The following TBC1D8 variants were observed in gnomAD, a reference collection of about 807,000 sequenced individuals.
TBC1D8 encodes TBC1 domain family member 8.
Under a neutral mutation model 118.8 loss-of-function variants are expected in TBC1D8, and 65 were observed. The observed-to-expected ratio is 0.55, with a 90% CI of 0.45 to 0.67. The LOEUF (loss-of-function observed/expected upper bound fraction) is 0.67, where lower values mean the gene tolerates loss of function less well. TBC1D8 is among the 30% of genes least tolerant of loss of function. The pLI, the probability that TBC1D8 is intolerant of heterozygous loss-of-function variation, is 0.00. For synonymous variants in TBC1D8, 566 were observed against 595.8 expected (o/e 0.95, Z 0.73); for missense variants, 1,376 against 1,471.2 (o/e 0.94, Z 1.06).
chr2:101,060,463 C>T lies in TBC1D8; in HGVS notation c.284-924G>A, dbSNP rs143716911. On this transcript the variant is annotated intron_variant, in intron 2 of 19. Coordinates refer to ENST00000409318, the MANE Select transcript of TBC1D8 (RefSeq NM_001330348.2). ...AAAACATACATAAAAAGAGGTCTTA[C>T]GGTACATGTTAAAATAGAAACACAA... Among the ~76,000 whole-genome samples, 19 of 152,256 alleles carry T rather than the reference C, an allele frequency of 1.2e-4. No homozygotes were observed. The East Asian group carries it at 3.3e-3, about 26-fold the overall frequency.
chr2:101,051,081 C>T (rs957400522), intron 4 of TBC1D8, among the ~76,000 whole-genome samples: 1 of 152,216 alleles, frequency 6.6e-6, no homozygotes, highest in African/African-American at 2.4e-5. Flanking sequence ...CTGCAAAGGA[C>T]ATGAGCTCAT....
Position 101,033,751 on chromosome 2 carries a change from C to T in TBC1D8, c.1611G>A (p.Val537=), listed in dbSNP as rs201950928. Residue 537 remains valine (V), a synonymous_variant, in exon 10 of 20, where the codon GTG becomes GTA. Coordinates refer to ENST00000409318, the MANE Select transcript of TBC1D8 (RefSeq NM_001330348.2). The stretch of plus-strand genomic sequence containing the variant: ...AACCAGGGTGTGAGGCAAGATCCGT[C>T]ACCGCATCTGAGTTTTAAAAGCAAT... ...GRLWLLFSDA[V]TDLASHPGYY... 1 of 1,612,374 alleles carries T rather than the reference C, an allele frequency of 6.2e-7. No homozygotes were observed. Among genetic ancestry groups the T allele is most frequent in the Admixed American group, 1.7e-5 (1 of 59,982 alleles).
At chr2:101,050,107 G>A (rs188036784) in intron 5 of TBC1D8, among the ~76,000 whole-genome samples, 7 of 152,296 alleles carry the variant, frequency 4.6e-5, no homozygotes, top group Admixed American at 2.6e-4. Context: ...GATTACAGGC[G>A]TGAGCCACCG....
intron 5 of TBC1D8, among the ~76,000 whole-genome samples, chr2:101,041,541 G>A (rs1681384501): frequency 6.6e-6 from 1 of 152,138 alleles, no homozygotes; most frequent in African/African-American, 2.4e-5. Context: ...GGGGAAGAGA[G>A]AGAAATGGGA....
In TBC1D8 at chr2:101,124,503, G is replaced by GA. The variant is rs1306098409; in HGVS notation, c.127+26623dup. Among the ~76,000 whole-genome samples the GA allele has an allele frequency of 6.6e-5, 10 of 152,170 alleles. No individual in the cohort carries two copies. The East Asian group carries it at 9.7e-4, about 15-fold the overall frequency. On this transcript the variant is annotated intron_variant, in intron 1 of 19. Transcript: ENST00000409318. ...TAAAAAACAACTCTTCCAATTTAAG[G>GA]AAAAAAACCTGCTGTTAATACAGTA...
intron 12 of TBC1D8, 174 bp from the exon 13 acceptor site, chr2:101,028,606 CG>C: frequency 1.1e-6 from 1 of 934,736 alleles, no homozygotes; most frequent in Non-Finnish European, 1.5e-6. Context: ...TCATGAAGCC[CG>C]GCTTGTGGAT....
intron 19 of TBC1D8, among the ~76,000 whole-genome samples, chr2:101,009,691 C>T (rs1206273483): frequency 6.6e-6 from 1 of 151,678 alleles, no homozygotes; most frequent in East Asian, 1.9e-4. Context: ...AAACATGCTA[C>T]GAAACACTAA....
rs199616962 is a variant in TBC1D8 at position 101,028,317 on chromosome 2, G to C, written c.2338C>G (p.Arg780Gly). 214 of 1,612,308 alleles carry C rather than the reference G, an allele frequency of 1.3e-4. No individual in the cohort carries two copies. Among genetic ancestry groups the C allele is most frequent in the Non-Finnish European group, 1.7e-4 (196 of 1,179,218 alleles). The change falls in exon 13 of 20, where the codon CGG becomes GGG. Residue 780 changes from arginine to glycine, a missense_variant. Arg to Gly is a moderately radical substitution (Grantham distance 125, BLOSUM62 -2). Transcript: ENST00000409318. Reference sequence around the variant, plus strand: ...GTTCCCGTTACCTCATAGGAATCCCGGATCAGGTCCGAAATATCAGTCACA... The same window carrying C: ...GTTCCCGTTACCTCATAGGAATCCCCGATCAGGTCCGAAATATCAGTCACA... The part of the protein sequence containing the change: ...YPVTDISDLI[R>G]DSYEKFGDQS...
chr2:101,029,568 T>TC lies in TBC1D8; in HGVS notation c.2144dup (p.Leu716ThrfsTer5). The stretch of plus-strand genomic sequence containing the variant: ...CAGCATTGGCCTCAAGCACAGCCAG[T>TC]CCCAGCTGGAAGATGGCTTTGATGC... On this transcript the variant is annotated frameshift_variant, in exon 12 of 20. Transcript: ENST00000409318. LOFTEE classifies it high-confidence loss of function. The TC allele has an allele frequency of 6.2e-7, 1 of 1,613,962 alleles. No individual in the cohort carries two copies. Among genetic ancestry groups the TC allele is most frequent in the Non-Finnish European group, 8.5e-7 (1 of 1,179,888 alleles).
At chr2:101,049,987 C>G (rs1218076138) in intron 5 of TBC1D8, among the ~76,000 whole-genome samples, 2 of 151,994 alleles carry the variant, frequency 1.3e-5, no homozygotes, top group East Asian at 4.0e-4. Context: ...CCACCACACC[C>G]AGCCAATTTT....
chr2:101,123,796 C>T (rs958796295), intron 1 of TBC1D8, among the ~76,000 whole-genome samples: 3 of 152,154 alleles, frequency 2.0e-5, no homozygotes, highest in African/African-American at 4.8e-5. Flanking sequence ...GGAGAAAACA[C>T]ATAAAGGAAG....
chr2:101,055,391 AAGTT>A lies in TBC1D8; in HGVS notation c.403-1059_403-1056del, dbSNP rs563570839. ...ATGACAGAGTCCTCAAAAAAAAAAAAAGTTAGTCTTTTGAGAAAAACTCATGAAG... is the reference window on the plus strand; with the variant it reads ...ATGACAGAGTCCTCAAAAAAAAAAAAAGTCTTTTGAGAAAAACTCATGAAG... On this transcript the variant is annotated intron_variant, in intron 3 of 19. Coordinates refer to ENST00000409318, the MANE Select transcript of TBC1D8 (RefSeq NM_001330348.2). Among the ~76,000 whole-genome samples, 317 of 152,142 alleles carry A rather than the reference AAGTT, an allele frequency of 2.1e-3. 2 individuals carry two copies. Among genetic ancestry groups the A allele is most frequent in the African/African-American group, 7.2e-3 (297 of 41,508 alleles).
At chr2:101,085,433 A>C (rs1386658342) in intron 2 of TBC1D8, among the ~76,000 whole-genome samples, 1 of 152,154 alleles carries the variant, frequency 6.6e-6, no homozygotes, top group African/African-American at 2.4e-5. Context: ...ATCTGCAAGA[A>C]ATGTGAAAAA....
At chr2:101,125,358 C>G (rs895541665) in intron 1 of TBC1D8, among the ~76,000 whole-genome samples, 2 of 152,126 alleles carry the variant, frequency 1.3e-5, no homozygotes, top group Non-Finnish European at 2.9e-5. Context: ...AAAATACTTA[C>G]AGATTTATGA....
intron 1 of TBC1D8, among the ~76,000 whole-genome samples, chr2:101,108,574 C>T (rs1677374805): frequency 6.6e-6 from 1 of 152,116 alleles, no homozygotes; most frequent in African/African-American, 2.4e-5. Context: ...CTGAGACCAA[C>T]AACTTTACTT....
rs186798818 is a variant in TBC1D8, at chr2:101,129,698, G to A, written c.127+21429C>T. On this transcript the variant is annotated intron_variant, in intron 1 of 19. Coordinates refer to ENST00000409318, the MANE Select transcript of TBC1D8 (RefSeq NM_001330348.2). Reference sequence around the variant, plus strand: ...AGGCAGGCAGATCACGAGGTCAGGAGATCGAGACCATCCTGGCTAACACGG... The same window carrying A: ...AGGCAGGCAGATCACGAGGTCAGGAAATCGAGACCATCCTGGCTAACACGG... Among the ~76,000 whole-genome samples the A allele has an allele frequency of 1.7e-3, 258 of 151,868 alleles. 3 individuals are homozygous for A. Among genetic ancestry groups the A allele is most frequent in the East Asian group, 2.2e-3 (11 of 5,006 alleles).
chr2:101,116,486 C>A (rs1250119160), intron 1 of TBC1D8, among the ~76,000 whole-genome samples: 1 of 152,114 alleles, frequency 6.6e-6, no homozygotes, highest in Non-Finnish European at 1.5e-5. Context: ...CCCTGGCCCA[C>A]TTGCCTCTTA....
chr2:101,145,547 C>T (rs912234831), intron 1 of TBC1D8, among the ~76,000 whole-genome samples: 4 of 152,166 alleles, frequency 2.6e-5, no homozygotes, highest in African/African-American at 9.7e-5. Context: ...GACAGACTAG[C>T]CAAGAAATGC....
At chr2:101,056,040 T>C (rs1190028948) in intron 3 of TBC1D8, among the ~76,000 whole-genome samples, 2 of 141,438 alleles carry the variant, frequency 1.4e-5, no homozygotes, top group African/African-American at 5.4e-5. Context: ...TTAACATTTC[T>C]CTTTTTTTTT....
Sources: gnomAD v4.1 joint callset for allele counts (sites outside exome capture counted in the v4.1 genomes callset) on GRCh38, gnomAD v4.1.1 for gene constraint, MANE v1.5 for transcripts, NCBI Gene and HGNC (gene_info 2026-07-23, HGNC 2026-07-21) for gene names.